The following PUM1 variants were observed in gnomAD, a reference collection of about 807,000 sequenced individuals.
PUM1 encodes the protein pumilio RNA binding family member 1.
PUM1 carries 13 observed loss-of-function variants against 131.8 expected under a neutral mutation model. That is an observed-to-expected ratio of 0.10 (90% CI 0.06 to 0.16). The LOEUF (loss-of-function observed/expected upper bound fraction) is 0.16. Among genes scored for constraint, PUM1 ranks in the 10% least tolerant of loss-of-function variants. The probability of loss-of-function intolerance (pLI) is 1.00; values close to 1 mark genes in which losing one functional copy is unlikely to be tolerated. For synonymous variants in PUM1, 509 were observed against 556.5 expected (o/e 0.91, Z 1.20); for missense variants, 961 against 1,512.4 (o/e 0.64, Z 6.05).
At position 31,038,984 on chromosome 1, in the gene PUM1, A is replaced by ATATATTTTTTTTTTTTTTT; in HGVS notation, c.364-10121_364-10120insAAAAAAAAAAAAAAATATA. Among the ~76,000 whole-genome samples, 13 of 49,414 alleles carry ATATATTTTTTTTTTTTTTT rather than the reference A, an allele frequency of 2.6e-4. No individual in the cohort carries two copies. The East Asian group carries it at 2.7e-3, about 10-fold the overall frequency. The allele number at this position is 49,414 out of a possible 152,430, so 32.4% of individuals were successfully genotyped here. On this transcript the variant is annotated intron_variant, in intron 2 of 21. Coordinates refer to ENST00000426105, the MANE Select transcript of PUM1 (RefSeq NM_001020658.2). ...TATATATATATATATATATATATAT[A>ATATATTTTTTTTTTTTTTT]TTTTTTTTTTTTTTTTCCTTTTCTC...
At chr1:30,954,304 G>A (rs1640063130) in intron 14 of PUM1, among the ~76,000 whole-genome samples, 1 of 152,148 alleles carries the variant, frequency 6.6e-6, no homozygotes, top group Admixed American at 6.5e-5. Flanking sequence ...TAGCACCTGA[G>A]CACCAGCAAT....
chr1:31,042,999 C>T (rs777654890), intron 2 of PUM1, among the ~76,000 whole-genome samples: 14 of 151,978 alleles, frequency 9.2e-5, no homozygotes, highest in Non-Finnish European at 1.6e-4. Context: ...GGATTACAGG[C>T]ATGAGCCACC....
chr1:31,009,782 A>AAAAAAAAAAAACAAAAAAC (rs375044466), intron 3 of PUM1, among the ~76,000 whole-genome samples: 1 of 125,368 alleles, frequency 8.0e-6, no homozygotes, highest in African/African-American at 3.3e-5. Context: ...AAAAAAAAAA[A>AAAAAAAAAAAACAAAAAAC]AAAAACAAAA....
intron 14 of PUM1, among the ~76,000 whole-genome samples, chr1:30,956,704 A>G (rs898455639): frequency 2.6e-5 from 4 of 152,192 alleles, no homozygotes; most frequent in African/African-American, 4.8e-5. Flanking sequence ...ACCAAAGAAG[A>G]AGGTATGGGG....
chr1:30,950,024 A>C, intron 17 of PUM1, 103 bp downstream of exon 17: 1 of 1,375,292 alleles, frequency 7.3e-7, no homozygotes, highest in Non-Finnish European at 9.8e-7. Flanking sequence ...GCAACAATGC[A>C]AAACCATAAA....
intron 1 of PUM1, 30 bp downstream of exon 1, chr1:31,065,586 G>T: frequency 1.9e-6 from 3 of 1,542,490 alleles, no homozygotes; most frequent in South Asian, 2.4e-5. Flanking sequence ...CCGGAGCAGC[G>T]TTTGGGGCCG....
intron 20 of PUM1, among the ~76,000 whole-genome samples, chr1:30,937,048 T>C (rs1445905981): frequency 6.6e-6 from 1 of 152,138 alleles, no homozygotes; most frequent in Non-Finnish European, 1.5e-5. Flanking sequence ...AGGGGGAACG[T>C]GGCATTAAAT....
intron 19 of PUM1, 124 bp downstream of exon 19, chr1:30,941,874 A>G (rs185451129): frequency 2.8e-6 from 3 of 1,087,384 alleles, no homozygotes; most frequent in South Asian, 1.2e-5. Flanking sequence ...AAATACAACC[A>G]CAAGATTCAA....
chr1:31,045,107 C>T (rs1164158479), intron 2 of PUM1, among the ~76,000 whole-genome samples: 1 of 150,546 alleles, frequency 6.6e-6, no homozygotes, highest in Non-Finnish European at 1.5e-5. Flanking sequence ...TGGAATTATA[C>T]ACTTTAAATG....
Position 30,932,661 on chromosome 1 carries a change from A to T in PUM1, c.*550T>A, listed in dbSNP as rs199678475. 103 of 131,824 alleles carry T rather than the reference A, an allele frequency of 7.8e-4. 1 individual carries two copies. The highest frequency in any genetic ancestry group is 1.6e-3 in the African/African-American group (60 of 38,000). 8.2% of individuals were successfully genotyped at this position (131,824 alleles called of 1,614,324 possible). A position where few individuals can be genotyped will look rare whatever the true frequency, so the allele number is the denominator to read the frequency against. On this transcript the variant is annotated 3_prime_UTR_variant, in exon 22 of 22. Transcript: ENST00000426105. ...TCATTATATATATATATATATATAT[A>T]TATATTTTTTATAAACAGTGTTAAA...
chr1:31,005,374 C>G (rs1642363063), intron 5 of PUM1, among the ~76,000 whole-genome samples: 1 of 152,182 alleles, frequency 6.6e-6, no homozygotes, highest in Admixed American at 6.5e-5. Flanking sequence ...AAAGAGGATT[C>G]TATAATTAAA....
At chr1:31,057,959 C>T (rs138995696) in intron 2 of PUM1, among the ~76,000 whole-genome samples, 19 of 152,266 alleles carry the variant, frequency 1.2e-4, no homozygotes, top group Admixed American at 9.2e-4. Context: ...CTGATCAAAA[C>T]AGTCTAATCT....
chr1:31,034,879 G>C (rs1204914796), intron 2 of PUM1, among the ~76,000 whole-genome samples: 1 of 152,102 alleles, frequency 6.6e-6, no homozygotes, highest in Non-Finnish European at 1.5e-5. Flanking sequence ...CAGAATCGTT[G>C]ATGCCAGGAA....
In PUM1 at chr1:30,960,582, T is replaced by C. The variant is rs1049990033; in HGVS notation, c.2323+4092A>G. Among the ~76,000 whole-genome samples, 35 of 152,234 alleles carry C rather than the reference T, an allele frequency of 2.3e-4. No homozygotes were observed. The East Asian group carries it at 4.8e-3, about 21-fold the overall frequency. ...TATAAGATCAATATACAAAAACCAATTGTATTTCCATAAGCAAGCAATAGT... is the reference window on the plus strand; with the variant it reads ...TATAAGATCAATATACAAAAACCAACTGTATTTCCATAAGCAAGCAATAGT... On this transcript the variant is annotated intron_variant, in intron 14 of 21. Transcript: ENST00000426105.
At chr1:30,967,445 TA>T in intron 11 of PUM1, 135 bp from the exon 12 acceptor site, 1 of 736,096 alleles carries the variant, frequency 1.4e-6, no homozygotes, top group South Asian at 2.0e-5. Context: ...CTCCATCACT[TA>T]AATAGTTGAA....
chr1:31,062,878 TAAG>T (rs1269298379), intron 1 of PUM1, among the ~76,000 whole-genome samples: 5 of 152,200 alleles, frequency 3.3e-5, no homozygotes, highest in Non-Finnish European at 5.9e-5. Context: ...GAAGCCAGCC[TAAG>T]AAGACACAAT....
At chr1:31,061,637 A>T (rs1028063875) in intron 1 of PUM1, 1 of 148,286 alleles carries the variant, frequency 6.7e-6, no homozygotes, top group African/African-American at 2.5e-5. Context: ...TTTAAATTAT[A>T]AAAAAAAAAG....
chr1:31,020,785 G>A (rs1642991427), intron 3 of PUM1, among the ~76,000 whole-genome samples: 1 of 152,146 alleles, frequency 6.6e-6, no homozygotes, highest in South Asian at 2.1e-4. Flanking sequence ...TGCCTGCTAT[G>A]TATATAGGGA....
Position 31,042,799 on chromosome 1 carries a change from C to A in PUM1, c.364-13935G>T, listed in dbSNP as rs190461957. ...TTTTCTTAAAAGACAGGGTCTCGCT[C>A]TGTTGCCCAGGCTGGAGTGCAGTAG... On this transcript the variant is annotated intron_variant, in intron 2 of 21. Coordinates refer to ENST00000426105, the MANE Select transcript of PUM1 (RefSeq NM_001020658.2). 1.9e-3 allele frequency among the ~76,000 whole-genome samples: 288 copies of A among 152,336 alleles called. 1 individual carries two copies. Among genetic ancestry groups the A allele is most frequent in the Non-Finnish European group, 2.2e-3 (150 of 68,040 alleles).
Sources: allele counts gnomAD v4.1 joint callset (sites outside exome capture counted in the v4.1 genomes callset), GRCh38; gene constraint gnomAD v4.1.1; transcripts MANE v1.5; gene names NCBI Gene and HGNC (gene_info 2026-07-23, HGNC 2026-07-21).